SQOR: variants seen among roughly 807,000 people sequenced by gnomAD.
SQOR encodes sulfide:quinone oxidoreductase, mitochondrial.
Under a neutral mutation model 48.6 loss-of-function variants are expected in SQOR, and 39 were observed. That is an observed-to-expected ratio of 0.80 (90% confidence interval 0.62 to 1.05). The LOEUF (loss-of-function observed/expected upper bound fraction) is 1.05, where lower values mean the gene tolerates loss of function less well. SQOR is among the 50% of genes least tolerant of loss of function. The pLI is 0.00. For missense variants in SQOR, 561 were observed against 559.9 expected (o/e 1.00, Z -0.02); for synonymous variants, 220 against 206.2 (o/e 1.07, Z -0.57).
intron 3 of SQOR, 106 bp from the exon 4 acceptor site, chr15:45,669,819 ATTT>A: frequency 1.1e-6 from 1 of 903,956 alleles, no homozygotes; most frequent in South Asian, 1.4e-5. Flanking sequence ...GGCTAATAAT[ATTT>A]CCCTGCCTCC....
chr15:45,673,619 C>A lies in SQOR; in HGVS notation c.472C>A (p.Pro158Thr), dbSNP rs1889980159. ...TACTTTGTTGCAGATTAAAGGCCTA[C>A]CTGAAGGTTTCGCTCATCCCAAAAT... ...QLDYEKIKGL[P>T]EGFAHPKIGS... is the part of the protein sequence containing the mutation. Residue 158 changes from proline (P) to threonine (T), a missense_variant, in exon 5 of 10, where the codon CCT becomes ACT. Transcript: ENST00000260324. The A allele has an allele frequency of 6.2e-7, 1 of 1,613,662 alleles. No homozygotes were observed. The highest frequency in any genetic ancestry group is 8.5e-7 in the Non-Finnish European group (1 of 1,179,740).
chr15:45,652,693 CG>C (rs1230192638), intron 1 of SQOR, among the ~76,000 whole-genome samples: 20 of 127,296 alleles, frequency 1.6e-4, no homozygotes, highest in Non-Finnish European at 2.5e-4. Context: ...TGTGGCTGGC[CG>C]GGCACGGTGG....
chr15:45,659,081 G>A lies in SQOR; in HGVS notation c.158G>A (p.Ser53Asn). 6.3e-7 allele frequency: 1 copy of A among 1,593,610 alleles called. No homozygotes were observed. The highest frequency in any genetic ancestry group is 8.5e-7 in the Non-Finnish European group (1 of 1,170,352). Residue 53 changes from serine to asparagine, a missense_variant, in exon 2 of 10, where the codon AGT (serine) becomes AAT (asparagine). By Grantham distance (46) the Ser-to-Asn change is conservative. Coordinates refer to ENST00000260324, the MANE Select transcript of SQOR (RefSeq NM_021199.4). Reference protein sequence around the residue: ...HYEVLVLGGGSGGITMAARMK... With the variant: ...HYEVLVLGGGNGGITMAARMK... ...GAGGTGCTGGTGCTGGGTGGGGGCA[G>A]TGGCGGAATCACCATGGCTGCCCGC...
In SQOR at chr15:45,676,433, G is replaced by A. The variant is rs1033680923; in HGVS notation, c.864+123G>A. The A allele has an allele frequency of 1.1e-5, 11 of 1,011,378 alleles. No homozygotes were observed. The Admixed American group carries it at 2.3e-4, about 21-fold the overall frequency. 62.7% of individuals were successfully genotyped at this position (1,011,378 alleles called of 1,614,324 possible). On this transcript the variant is annotated intron_variant, in intron 6 of 9. Coordinates refer to ENST00000260324, the MANE Select transcript of SQOR (RefSeq NM_021199.4). ...TGCTGGGGAAGACTGGGTGAAATGA[G>A]CATCTTAGGGAAGTGTTAGGGCAAG...
At chr15:45,650,141 C>CTTTTTTT (rs150218133) in intron 1 of SQOR, among the ~76,000 whole-genome samples, 2 of 152,092 alleles carry the variant, frequency 1.3e-5, no homozygotes, top group African/African-American at 4.8e-5. Context: ...CTGTGCCTGA[C>CTTTTTTT]TTTTTTTTAA....
At chr15:45,670,109 T>A in intron 4 of SQOR, 128 bp downstream of exon 4, 2 of 832,782 alleles carry the variant, frequency 2.4e-6, no homozygotes, top group South Asian at 1.6e-5. Flanking sequence ...CTGGTTTTAT[T>A]TCTTGGCAGT....
intron 1 of SQOR, among the ~76,000 whole-genome samples, chr15:45,643,921 G>A (rs529747278): frequency 3.3e-5 from 5 of 152,300 alleles, no homozygotes; most frequent in African/African-American, 1.2e-4. Context: ...GGAAGGCCAC[G>A]TGCTGCTTCT....
chr15:45,678,459 A>G (rs898114920), intron 6 of SQOR, among the ~76,000 whole-genome samples: 4 of 152,030 alleles, frequency 2.6e-5, no homozygotes, highest in African/African-American at 7.2e-5. Flanking sequence ...ATCATTCATT[A>G]TTGTTTTTAA....
At chr15:45,688,864 G>A (rs894327329) in intron 8 of SQOR, among the ~76,000 whole-genome samples, 175 bp from the exon 9 acceptor site, 4 of 151,868 alleles carry the variant, frequency 2.6e-5, no homozygotes, top group Admixed American at 1.3e-4. Flanking sequence ...TTCTGTTTTT[G>A]CCATTAGTAC....
intron 3 of SQOR, among the ~76,000 whole-genome samples, chr15:45,669,029 A>C (rs1446234387): frequency 6.6e-6 from 1 of 151,946 alleles, no homozygotes; most frequent in Admixed American, 6.6e-5. Context: ...TCAAAAGAGC[A>C]ATCTCCCAAT....
At chr15:45,679,718 A>T (rs1230157670) in intron 6 of SQOR, among the ~76,000 whole-genome samples, 1 of 152,218 alleles carries the variant, frequency 6.6e-6, no homozygotes, top group Non-Finnish European at 1.5e-5. Flanking sequence ...AGATGAAGTG[A>T]CTTGTCCAAA....
At chr15:45,683,359 G>T (rs1208276711) in intron 7 of SQOR, among the ~76,000 whole-genome samples, 1 of 152,234 alleles carries the variant, frequency 6.6e-6, no homozygotes, top group Admixed American at 6.5e-5. Flanking sequence ...GGAAGTCAAT[G>T]AAAGCTTGCA....
chr15:45,659,005 G>C lies in SQOR; in HGVS notation c.82G>C (p.Gly28Arg), dbSNP rs149926870. Residue 28 changes from glycine to arginine, a missense_variant, in exon 2 of 10, where the codon GGC becomes CGC. Gly to Arg is a moderately radical substitution (Grantham distance 125). Coordinates refer to ENST00000260324, the MANE Select transcript of SQOR (RefSeq NM_021199.4). ...GCTCAGGCTGGGCACTCAGCAGGTC[G>C]GCCCCCTTCAGCTGCACACCGGGGC... ...CLLRLGTQQV[G>R]PLQLHTGASH... 3 of 1,603,138 alleles carry C rather than the reference G, an allele frequency of 1.9e-6. No homozygotes were observed. Among genetic ancestry groups the C allele is most frequent in the Non-Finnish European group, 2.6e-6 (3 of 1,175,138 alleles).
intron 2 of SQOR, among the ~76,000 whole-genome samples, chr15:45,661,289 TTAAAAAAAAAA>T (rs1244015854): frequency 5.9e-5 from 5 of 84,376 alleles, no homozygotes; most frequent in East Asian, 3.8e-4. Context: ...AGACTCTGTC[TTAAAAAAAAAA>T]AAAAAAAAAA....
At chr15:45,650,027 G>A (rs1478080412) in intron 1 of SQOR, among the ~76,000 whole-genome samples, 1 of 151,828 alleles carries the variant, frequency 6.6e-6, no homozygotes, top group Non-Finnish European at 1.5e-5. Context: ...ATTTTTAGTA[G>A]AGATGCGGTT....
rs200014839 is a variant in SQOR, at chr15:45,689,234, G to A, written c.1295+17G>A. The A allele has an allele frequency of 4.0e-5, 65 of 1,611,706 alleles. No homozygotes were observed. The highest frequency in any genetic ancestry group is 5.2e-5 in the Non-Finnish European group (61 of 1,178,760). ...GATGCTAAGGTAAGTGCACTGCCTG[G>A]TTCCTGGATGAGGAAAGGGATTTGT... On this transcript the variant is annotated intron_variant, in intron 9 of 9. Transcript: ENST00000260324.
chr15:45,655,977 G>A (rs1889601945), intron 1 of SQOR, among the ~76,000 whole-genome samples: 1 of 150,938 alleles, frequency 6.6e-6, no homozygotes, highest in Non-Finnish European at 1.5e-5. Context: ...GAGCCACCGT[G>A]CCTGGCCTAT....
chr15:45,690,369 C>G (rs1890301493), intron 9 of SQOR, among the ~76,000 whole-genome samples: 1 of 152,172 alleles, frequency 6.6e-6, no homozygotes, highest in Admixed American at 6.6e-5. Flanking sequence ...CCCAGCCACT[C>G]TTCTGCATTC....
chr15:45,651,948 G>T (rs768504974), intron 1 of SQOR, among the ~76,000 whole-genome samples: 2 of 151,518 alleles, frequency 1.3e-5, no homozygotes, highest in Non-Finnish European at 2.9e-5. Flanking sequence ...GAGTGCAGTG[G>T]CATGATCTCA....
Sources: allele counts gnomAD v4.1 joint callset (sites outside exome capture counted in the v4.1 genomes callset), GRCh38; gene constraint gnomAD v4.1.1; transcripts MANE v1.5; gene names NCBI Gene and HGNC (gene_info 2026-07-23, HGNC 2026-07-21).